The following ZNF407 variants were observed in gnomAD, a reference collection of about 807,000 sequenced individuals.
ZNF407 encodes zinc finger protein 407.
In ZNF407, 17 loss-of-function variants were observed where a neutral mutation model predicts 131.2. The ratio of observed to expected loss-of-function variants is 0.13; its 90% CI spans 0.09 to 0.19. ZNF407 has a LOEUF of 0.19. Among genes scored for constraint, ZNF407 ranks in the 10% least tolerant of loss-of-function variants. ZNF407 has a pLI of 1.00. For synonymous variants in ZNF407, 1,156 were observed against 1,062.0 expected, an observed-to-expected ratio of 1.09 and a Z score of -1.72; for missense variants, 2,681 against 2,830.6, an observed-to-expected ratio of 0.95 and a Z score of 1.20.
intron 3 of ZNF407, among the ~76,000 whole-genome samples, chr18:74,775,455 C>T (rs970694533): frequency 1.3e-5 from 2 of 152,206 alleles, no homozygotes; most frequent in Admixed American, 1.3e-4. Context: ...TAATCAAATT[C>T]TGATGATGTC....
intron 8 of ZNF407, among the ~76,000 whole-genome samples, chr18:74,992,763 T>G (rs1347840747): frequency 6.6e-6 from 1 of 152,218 alleles, no homozygotes; most frequent in Non-Finnish European, 1.5e-5. Context: ...CAGTGATTTT[T>G]GGGATGGGCA....
chr18:74,954,793 G>C (rs547301347), intron 8 of ZNF407, among the ~76,000 whole-genome samples: 3 of 152,232 alleles, frequency 2.0e-5, no homozygotes, highest in Admixed American at 1.3e-4. Context: ...AGCCACCAGT[G>C]AACTTCATCA....
At chr18:74,782,253 C>T (rs569626498) in intron 4 of ZNF407, among the ~76,000 whole-genome samples, 1 of 152,184 alleles carries the variant, frequency 6.6e-6, no homozygotes, top group African/African-American at 2.4e-5. Flanking sequence ...CAGATACTCT[C>T]AGAAACTTTA....
At chr18:74,947,121 C>T (rs898344846) in intron 8 of ZNF407, among the ~76,000 whole-genome samples, 6 of 152,084 alleles carry the variant, frequency 3.9e-5, no homozygotes, top group South Asian at 4.1e-4. Context: ...ATGCTGAAAC[C>T]GTTCAGTTCA....
chr18:74,658,964 T>C (rs1003137164), intron 3 of ZNF407, among the ~76,000 whole-genome samples: 16 of 152,184 alleles, frequency 1.1e-4, no homozygotes, highest in Admixed American at 7.2e-4. Context: ...GTAATTAAAA[T>C]CTATTGTATA....
intron 7 of ZNF407, among the ~76,000 whole-genome samples, chr18:74,892,261 A>T (rs1376121454): frequency 6.6e-6 from 1 of 152,174 alleles, no homozygotes; most frequent in Middle Eastern, 3.2e-3. Context: ...CAAGGGTGTC[A>T]TGAGGAGTGC....
chr18:74,967,733 A>G (rs1972425126), intron 8 of ZNF407, among the ~76,000 whole-genome samples: 1 of 152,270 alleles, frequency 6.6e-6, no homozygotes, highest in Non-Finnish European at 1.5e-5. Flanking sequence ...AGTCATGTTC[A>G]AATAACGTTG....
intron 4 of ZNF407, among the ~76,000 whole-genome samples, chr18:74,852,488 A>G (rs981147934): frequency 6.6e-6 from 1 of 151,936 alleles, no homozygotes; most frequent in African/African-American, 2.4e-5. Flanking sequence ...TATAATATAA[A>G]TTTTTATTAT....
At chr18:74,639,422 C>G (rs1984607992) in intron 2 of ZNF407, among the ~76,000 whole-genome samples, 1 of 152,162 alleles carries the variant, frequency 6.6e-6, no homozygotes, top group Non-Finnish European at 1.5e-5. Context: ...TAAATTGGTT[C>G]TTCACACACC....
Position 74,861,828 on chromosome 18 carries a change from G to C in ZNF407, c.4878-15369G>C, listed in dbSNP as rs191631759. On this transcript the variant is annotated intron_variant, in intron 4 of 8. Transcript: ENST00000299687. Reference sequence around the variant, plus strand: ...ATTTCATTATTTCCTTACTGTAAATGGTAATGATTTTGTGAATATGGATAT... The same window carrying C: ...ATTTCATTATTTCCTTACTGTAAATCGTAATGATTTTGTGAATATGGATAT... 2.6e-5 allele frequency among the ~76,000 whole-genome samples: 4 copies of C among 152,096 alleles called. No homozygotes were observed. The East Asian group carries it at 7.7e-4, about 29-fold the overall frequency.
chr18:74,742,281 A>G (rs1029287652), intron 3 of ZNF407, among the ~76,000 whole-genome samples: 7 of 152,174 alleles, frequency 4.6e-5, no homozygotes, highest in Admixed American at 1.3e-4. Flanking sequence ...TTAAGAGGAC[A>G]TACTTTCTTA....
At chr18:74,923,280 G>C (rs1387925282) in intron 8 of ZNF407, among the ~76,000 whole-genome samples, 1 of 150,404 alleles carries the variant, frequency 6.6e-6, no homozygotes, top group Non-Finnish European at 1.5e-5. Context: ...TCCATTTCCA[G>C]GTAGTTTGAG....
intron 8 of ZNF407, among the ~76,000 whole-genome samples, chr18:75,021,270 TAA>T (rs68132078): frequency 3.3e-5 from 5 of 149,270 alleles, no homozygotes; most frequent in East Asian, 1.9e-4. Flanking sequence ...ACATTCTTTT[TAA>T]AAAAAAAAAT....
intron 3 of ZNF407, among the ~76,000 whole-genome samples, chr18:74,673,652 C>G (rs897501454): frequency 1.3e-5 from 2 of 152,156 alleles, no homozygotes; most frequent in African/African-American, 4.8e-5. Context: ...ATTTAGATCA[C>G]CCATGCATTT....
intron 8 of ZNF407, among the ~76,000 whole-genome samples, chr18:74,973,218 A>C (rs940627748): frequency 6.6e-6 from 1 of 152,112 alleles, no homozygotes; most frequent in Non-Finnish European, 1.5e-5. Flanking sequence ...AGTTTGAGCA[A>C]AGTGTAGAAA....
intron 1 of ZNF407, among the ~76,000 whole-genome samples, chr18:74,617,170 A>G (rs938887710): frequency 6.6e-6 from 1 of 152,290 alleles, no homozygotes; most frequent in Non-Finnish European, 1.5e-5. Context: ...CACCACACAC[A>G]TCCATATCCA....
At chr18:74,906,112 C>T (rs555054113) in intron 7 of ZNF407, among the ~76,000 whole-genome samples, 5 of 152,150 alleles carry the variant, frequency 3.3e-5, no homozygotes, top group African/African-American at 7.2e-5. Flanking sequence ...TCTCTCTTCC[C>T]GTTTTCCTGC....
chr18:74,884,799 G>GTTAT (rs1368827211), intron 6 of ZNF407, among the ~76,000 whole-genome samples: 1 of 152,090 alleles, frequency 6.6e-6, no homozygotes, highest in Admixed American at 6.5e-5. Context: ...AAGAGGTTAT[G>GTTAT]TTAAACTACG....
chr18:74,909,385 C>T (rs1295207932), intron 7 of ZNF407, among the ~76,000 whole-genome samples: 8 of 152,062 alleles, frequency 5.3e-5, no homozygotes. Context: ...ATGTTATTTA[C>T]CTTAATCCTC....
Sources: allele counts gnomAD v4.1 joint callset (sites outside exome capture counted in the v4.1 genomes callset), GRCh38; gene constraint gnomAD v4.1.1; transcripts MANE v1.5; gene names NCBI Gene and HGNC (gene_info 2026-07-23, HGNC 2026-07-21).